Variants in PTPRD observed in about 807,000 individuals in gnomAD.
PTPRD encodes protein tyrosine phosphatase receptor type D, also known as receptor-type tyrosine-protein phosphatase delta.
PTPRD carries 34 observed loss-of-function variants against 214.5 expected under a neutral mutation model. The observed-to-expected ratio is 0.16, with a 90% CI of 0.12 to 0.21. PTPRD has a LOEUF of 0.21. Ranked by LOEUF, PTPRD falls within the 10% of genes least tolerant of loss-of-function variation. The pLI is 1.00. For missense variants in PTPRD, 2,545 were observed against 2,398.7 expected (o/e 1.06, Z -1.27); for synonymous variants, 1,128 against 845.7 (o/e 1.33, Z -5.79).
intron 11 of PTPRD, among the ~76,000 whole-genome samples, chr9:9,005,258 C>T (rs1440300047): frequency 1.3e-5 from 2 of 151,964 alleles, no homozygotes; most frequent in African/African-American, 2.4e-5. Flanking sequence ...AGAAGAAATG[C>T]AAAACTCCAT....
chr9:9,580,001 G>A (rs73388936), intron 7 of PTPRD, among the ~76,000 whole-genome samples: 1 of 151,992 alleles, frequency 6.6e-6, no homozygotes, highest in East Asian at 1.9e-4. Context: ...ATGACCTCCA[G>A]TTCCATCCAT....
intron 3 of PTPRD, among the ~76,000 whole-genome samples, chr9:10,113,610 A>G (rs1447841268): frequency 1.3e-5 from 2 of 152,210 alleles, no homozygotes; most frequent in Admixed American, 1.3e-4. Flanking sequence ...TAGAGAAACA[A>G]TCTCCAGCGA....
chr9:10,211,989 C>A (rs1360833285), intron 3 of PTPRD, among the ~76,000 whole-genome samples: 1 of 152,036 alleles, frequency 6.6e-6, no homozygotes, highest in Non-Finnish European at 1.5e-5. Flanking sequence ...TCAATTTTGT[C>A]CATACGATTG....
chr9:9,324,229 G>T (rs892424319), intron 9 of PTPRD, among the ~76,000 whole-genome samples: 2 of 152,140 alleles, frequency 1.3e-5, no homozygotes, highest in Non-Finnish European at 2.9e-5. Context: ...TGGGTCAAAT[G>T]GTATTTCTAG....
At chr9:10,602,641 G>A (rs962513178) in intron 2 of PTPRD, among the ~76,000 whole-genome samples, 1 of 151,718 alleles carries the variant, frequency 6.6e-6, no homozygotes, top group Non-Finnish European at 1.5e-5. Context: ...GTGACGCAGT[G>A]GTGTAAATAA....
At chr9:9,133,578 A>G (rs12335759) in intron 10 of PTPRD, among the ~76,000 whole-genome samples, 8,139 of 152,266 alleles carry the variant, frequency 0.053, 504 homozygotes, top group African/African-American at 0.14. Flanking sequence ...GTTGTTATAA[A>G]AAAACTCACT....
At chr9:9,135,790 A>G (rs2154477813) in intron 10 of PTPRD, among the ~76,000 whole-genome samples, 1 of 152,148 alleles carries the variant, frequency 6.6e-6, no homozygotes, top group Admixed American at 6.5e-5. Context: ...TAGTTTAAAG[A>G]TAGAATAGCA....
At chr9:8,921,965 A>G (rs2098831043) in intron 11 of PTPRD, among the ~76,000 whole-genome samples, 1 of 152,222 alleles carries the variant, frequency 6.6e-6, no homozygotes, top group African/African-American at 2.4e-5. Flanking sequence ...AATAAAAGGG[A>G]AAGTTGGCAA....
chr9:10,578,239 C>T (rs112232208), intron 2 of PTPRD, among the ~76,000 whole-genome samples: 3 of 151,886 alleles, frequency 2.0e-5, no homozygotes, highest in East Asian at 3.9e-4. Context: ...GAGGGTTTCT[C>T]GAATGTCTCC....
intron 11 of PTPRD, among the ~76,000 whole-genome samples, chr9:8,919,356 G>T (rs2098809212): frequency 6.9e-6 from 1 of 144,356 alleles, no homozygotes; most frequent in Admixed American, 7.2e-5. Flanking sequence ...TATGCCACTG[G>T]ATTCCAGCCT....
At chr9:10,562,496 A>G (rs569103747) in intron 2 of PTPRD, among the ~76,000 whole-genome samples, 1 of 152,250 alleles carries the variant, frequency 6.6e-6, no homozygotes, top group Admixed American at 6.5e-5. Flanking sequence ...TAGTTCATGC[A>G]TCTATTTGAA....
At chr9:10,108,378 C>T (rs1411271029) in intron 3 of PTPRD, among the ~76,000 whole-genome samples, 1 of 151,936 alleles carries the variant, frequency 6.6e-6, no homozygotes, top group Non-Finnish European at 1.5e-5. Context: ...TTGTTATTAA[C>T]TATAGTCACT....
intron 10 of PTPRD, among the ~76,000 whole-genome samples, chr9:9,130,536 A>C (rs1194734306): frequency 6.6e-6 from 1 of 152,176 alleles, no homozygotes; most frequent in African/African-American, 2.4e-5. Flanking sequence ...AACAATCAAT[A>C]TCTAGGAATG....
At chr9:8,840,307 C>G (rs1345595988) in intron 11 of PTPRD, among the ~76,000 whole-genome samples, 1 of 152,078 alleles carries the variant, frequency 6.6e-6, no homozygotes. Flanking sequence ...CTCGTGATAG[C>G]AAATAAATGT....
intron 12 of PTPRD, among the ~76,000 whole-genome samples, chr9:8,692,547 T>C (rs1214688802): frequency 6.6e-6 from 1 of 152,186 alleles, no homozygotes; most frequent in Non-Finnish European, 1.5e-5. Context: ...AAAGAACGTA[T>C]TAGTGAACAC....
In PTPRD at chr9:10,300,880, A is replaced by G. The variant is rs137939095; in HGVS notation, c.-545+40083T>C. 6.2e-4 allele frequency among the ~76,000 whole-genome samples: 94 copies of G among 152,140 alleles called. 1 individual carries two copies. In the East Asian group the frequency reaches 0.015, roughly 25 times the overall value. ...ATTCCTGCCTGATAGCTCTGAAGAGAGCCATGGCTCTCCCAGCACAGTGTT... is the reference window on the plus strand; with the variant it reads ...ATTCCTGCCTGATAGCTCTGAAGAGGGCCATGGCTCTCCCAGCACAGTGTT... On this transcript the variant is annotated intron_variant, in intron 3 of 45. Transcript: ENST00000381196.
chr9:8,939,193 A>G (rs2154292715), intron 11 of PTPRD, among the ~76,000 whole-genome samples: 1 of 152,218 alleles, frequency 6.6e-6, no homozygotes, highest in South Asian at 2.1e-4. Flanking sequence ...TTGCCACTGA[A>G]ACTCTTTCTC....
chr9:9,369,398 A>C (rs2058808517), intron 9 of PTPRD, among the ~76,000 whole-genome samples: 1 of 152,064 alleles, frequency 6.6e-6, no homozygotes, highest in African/African-American at 2.4e-5. Flanking sequence ...TTGGCTGCAT[A>C]AATGTCTTCT....
intron 12 of PTPRD, among the ~76,000 whole-genome samples, chr9:8,704,536 C>T (rs934824707): frequency 6.6e-6 from 1 of 152,062 alleles, no homozygotes; most frequent in Non-Finnish European, 1.5e-5. Flanking sequence ...TAATGTCTCC[C>T]TTACAGGGGA....
Sources: allele counts gnomAD v4.1 joint callset (sites outside exome capture counted in the v4.1 genomes callset), GRCh38; gene constraint gnomAD v4.1.1; transcripts MANE v1.5; gene names NCBI Gene and HGNC (gene_info 2026-07-23, HGNC 2026-07-21).